The following CEP83 variants were observed in gnomAD, a reference collection of about 807,000 sequenced individuals.
The protein encoded by CEP83 is centrosomal protein of 83 kDa.
A neutral mutation model predicts 101.9 loss-of-function variants in CEP83; 70 were observed. The ratio of observed to expected loss-of-function variants is 0.69; its 90% CI spans 0.57 to 0.84. CEP83 has a LOEUF of 0.84. Among genes scored for constraint, CEP83 ranks in the 40% least tolerant of loss-of-function variants. The pLI is 0.00. For missense variants in CEP83, 715 were observed against 787.2 expected, an observed-to-expected ratio of 0.91 and a Z score of 1.10; for synonymous variants, 264 against 267.9, an observed-to-expected ratio of 0.99 and a Z score of 0.14.
chr12:94,436,607 T>G (rs991695580), intron 1 of CEP83, among the ~76,000 whole-genome samples: 8 of 151,786 alleles, frequency 5.3e-5, no homozygotes, highest in African/African-American at 1.7e-4. Flanking sequence ...CTGAGGCAGG[T>G]GGACCACAAG....
At chr12:94,459,090 G>T (rs1324811837) in intron 1 of CEP83, among the ~76,000 whole-genome samples, 2 of 152,234 alleles carry the variant, frequency 1.3e-5, no homozygotes, top group East Asian at 3.8e-4. Context: ...CCTCATTTCA[G>T]CTAACTAAAG....
chr12:94,320,808 C>T (rs1439478260), intron 14 of CEP83, among the ~76,000 whole-genome samples: 1 of 152,114 alleles, frequency 6.6e-6, no homozygotes, highest in African/African-American at 2.4e-5. Context: ...CCCTTTTTCT[C>T]CAAGTGCCTT....
intron 11 of CEP83, among the ~76,000 whole-genome samples, chr12:94,345,085 G>C (rs779917054): frequency 6.6e-6 from 1 of 152,102 alleles, no homozygotes; most frequent in African/African-American, 2.4e-5. Flanking sequence ...AAAATAAAAA[G>C]CATATGTGTG....
the CEP83 span, chr12:94,282,234 T>C: frequency 9.3e-7 from 1 of 1,079,352 alleles, no homozygotes; most frequent in South Asian, 1.3e-5. Flanking sequence ...TATCCATAAA[T>C]TTGTGAAAGT....
chr12:94,319,353 G>C (rs572343152), intron 14 of CEP83, among the ~76,000 whole-genome samples: 1 of 152,098 alleles, frequency 6.6e-6, no homozygotes, highest in African/African-American at 2.4e-5. Context: ...CGCAACTCCC[G>C]TATTAGTTAA....
chr12:94,454,533 A>G (rs1386774061), intron 1 of CEP83, among the ~76,000 whole-genome samples: 1 of 152,234 alleles, frequency 6.6e-6, no homozygotes, highest in African/African-American at 2.4e-5. Context: ...AGCTCTCTGT[A>G]AAATGGACCA....
chr12:94,315,868 T>A (rs897570910), intron 14 of CEP83, among the ~76,000 whole-genome samples: 10 of 152,298 alleles, frequency 6.6e-5, no homozygotes, highest in Admixed American at 4.6e-4. Flanking sequence ...TCCATTTGCC[T>A]GTTTATCCTT....
intron 2 of CEP83, among the ~76,000 whole-genome samples, chr12:94,433,217 C>T (rs774427765): frequency 1.1e-4 from 16 of 151,966 alleles, no homozygotes; most frequent in Non-Finnish European, 1.8e-4. Flanking sequence ...GAAGACATTA[C>T]GGGGTAGACT....
chr12:94,297,080 A>G, the CEP83 span: 2 of 1,039,266 alleles, frequency 1.9e-6, no homozygotes, highest in East Asian at 2.4e-5. Context: ...CAAAAAGCTC[A>G]AGTAACTTCA....
chr12:94,280,833 CT>C, the CEP83 span, among the ~76,000 whole-genome samples: 1 of 152,174 alleles, frequency 6.6e-6, no homozygotes, highest in East Asian at 1.9e-4. Context: ...TACTCTTTTC[CT>C]GAGTTTGGGT....
chr12:94,315,546 TAA>T (rs1033668241), intron 14 of CEP83, among the ~76,000 whole-genome samples: 3 of 152,120 alleles, frequency 2.0e-5, no homozygotes, highest in African/African-American at 7.2e-5. Flanking sequence ...TTCTTTTGCT[TAA>T]GAGTATCCCT....
intron 2 of CEP83, among the ~76,000 whole-genome samples, chr12:94,432,572 T>C (rs1196913964): frequency 6.6e-6 from 1 of 152,106 alleles, no homozygotes; most frequent in Non-Finnish European, 1.5e-5. Context: ...AATAAAATGA[T>C]ATCAAAGGCC....
intron 13 of CEP83, 81 bp from the exon 14 acceptor site, chr12:94,331,910 C>T: frequency 7.8e-7 from 1 of 1,288,630 alleles, no homozygotes; most frequent in Non-Finnish European, 1.1e-6. Flanking sequence ...TATAAGCAAA[C>T]TCACTACCTG....
intron 4 of CEP83, among the ~76,000 whole-genome samples, chr12:94,406,309 G>A (rs1312148047): frequency 6.6e-6 from 1 of 151,646 alleles, no homozygotes. Flanking sequence ...TGTGCAACAA[G>A]AGTAAAACTC....
chr12:94,385,631 G>C (rs1185992052), intron 6 of CEP83, among the ~76,000 whole-genome samples: 3 of 152,186 alleles, frequency 2.0e-5, no homozygotes, highest in Non-Finnish European at 4.4e-5. Context: ...ATGGCTGATA[G>C]AGTTCACCAA....
intron 14 of CEP83, among the ~76,000 whole-genome samples, chr12:94,330,466 T>C (rs1038659353): frequency 3.9e-5 from 6 of 152,176 alleles, no homozygotes; most frequent in African/African-American, 1.4e-4. Context: ...TCCATCTAGA[T>C]ACATTATTTC....
chr12:94,298,559 C>T, the CEP83 span: 10 of 1,194,116 alleles, frequency 8.4e-6, no homozygotes, highest in Non-Finnish European at 2.4e-6. Context: ...TGTGGATTTG[C>T]TTTTGCTATT....
the CEP83 span, among the ~76,000 whole-genome samples, chr12:94,288,102 G>A: frequency 6.6e-6 from 1 of 152,218 alleles, no homozygotes; most frequent in Non-Finnish European, 1.5e-5. Flanking sequence ...CCTAACCTCC[G>A]AGGCAGCCTG....
chr12:94,295,208 G>A, the CEP83 span, among the ~76,000 whole-genome samples: 1 of 152,218 alleles, frequency 6.6e-6, no homozygotes, highest in African/African-American at 2.4e-5. Context: ...ACAGCCAGAG[G>A]TAGGGCTTCC....
Sources: allele counts gnomAD v4.1 joint callset (sites outside exome capture counted in the v4.1 genomes callset), GRCh38; gene constraint gnomAD v4.1.1; transcripts MANE v1.5; gene names NCBI Gene and HGNC (gene_info 2026-07-23, HGNC 2026-07-21).